KIF16B: variants seen among roughly 807,000 people sequenced by gnomAD.
The protein encoded by KIF16B is kinesin family member 16B, also known as kinesin-like protein KIF16B.
KIF16B carries 98 observed loss-of-function variants against 156.3 expected under a neutral mutation model. The observed-to-expected ratio is 0.63, with a 90% CI of 0.53 to 0.74. KIF16B has a LOEUF of 0.74. Ranked by LOEUF, KIF16B falls within the 30% of genes least tolerant of loss-of-function variation. The pLI is 0.00. For missense variants in KIF16B, 1,421 were observed against 1,606.5 expected, an observed-to-expected ratio of 0.88 and a Z score of 1.97; for synonymous variants, 564 against 583.7, an observed-to-expected ratio of 0.97 and a Z score of 0.49.
At chr20:16,529,709 C>CA (rs1491534395) in intron 1 of KIF16B, among the ~76,000 whole-genome samples, 1 of 152,182 alleles carries the variant, frequency 6.6e-6, no homozygotes, top group Non-Finnish European at 1.5e-5. Context: ...CCCTGCACTT[C>CA]AGGAGGCAGA....
chr20:16,331,828 TGGA>T (rs150995887), intron 24 of KIF16B, among the ~76,000 whole-genome samples: 2,369 of 152,236 alleles, frequency 0.016, 60 homozygotes, highest in African/African-American at 0.052. Flanking sequence ...ATAGTCCACT[TGGA>T]GGAGCAGATT....
Position 16,560,989 on chromosome 20 carries a change from T to A in KIF16B, c.47+12240A>T, listed in dbSNP as rs556574675. On this transcript the variant is annotated intron_variant, in intron 1 of 25. Coordinates refer to ENST00000354981, the MANE Select transcript of KIF16B (RefSeq NM_024704.5). ...TTAGTGAGTAACAATCATCTTTTTT[T>A]AAAAAAATATAATAGAGAGGCCGGG... 4.2e-3 allele frequency among the ~76,000 whole-genome samples: 646 copies of A among 152,006 alleles called. 8 individuals are homozygous for A. The highest frequency in any genetic ancestry group is 0.015 in the African/African-American group (611 of 41,456).
chr20:16,404,985 G>C (rs2065746242), intron 16 of KIF16B, 84 bp from the exon 17 acceptor site: 1 of 912,888 alleles, frequency 1.1e-6, no homozygotes, highest in African/African-American at 1.6e-5. Flanking sequence ...CAACATGTGA[G>C]AGACAATGAG....
intron 12 of KIF16B, among the ~76,000 whole-genome samples, chr20:16,458,747 TACACACACACATATAA>T (rs979053692): frequency 1.3e-5 from 2 of 151,498 alleles, no homozygotes; most frequent in Non-Finnish European, 2.9e-5. Context: ...TACAGGTATA[TACACACACACATATAA>T]ACACACACAC....
rs148049748 is a variant in KIF16B at position 16,379,848 on chromosome 20, G to A, written c.2154C>T (p.Asn718=). Residue 718 remains asparagine (N), a synonymous_variant, in exon 19 of 26, where the codon AAC becomes AAT. Transcript: ENST00000354981. ...ELQRLKELNN[N]EKAEKFQIFQ... is the part of the protein sequence containing the mutation. Reference sequence around the variant, plus strand: ...ATATCTGAAACTTCTCAGCCTTCTCGTTGTTGTTGAGTTCTTTGAGTCGTT... The same window carrying A: ...ATATCTGAAACTTCTCAGCCTTCTCATTGTTGTTGAGTTCTTTGAGTCGTT... The A allele has an allele frequency of 1.1e-4, 173 of 1,614,110 alleles. 1 individual carries two copies. Among genetic ancestry groups the A allele is most frequent in the Admixed American group, 1.0e-3 (60 of 60,014 alleles).
chr20:16,506,165 C>T lies in KIF16B; in HGVS notation c.725G>A (p.Cys242Tyr). ...TQAKFDSEMPCETVSKIHLVD... is the reference protein window; with the variant it reads ...TQAKFDSEMPYETVSKIHLVD... ...CAAGTGGATCTTACTGACGGTTTCA[C>T]ATGGCATTTCAGAATCAAATTTAGC... Residue 242 changes from cysteine (C) to tyrosine (Y), a missense_variant, in exon 8 of 26, where the codon TGT becomes TAT. Physicochemically the swap from Cys to Tyr is radical, Grantham distance 194. Coordinates refer to ENST00000354981, the MANE Select transcript of KIF16B (RefSeq NM_024704.5). 1 of 1,614,128 alleles carries T rather than the reference C, an allele frequency of 6.2e-7. No individual in the cohort carries two copies. The highest frequency in any genetic ancestry group is 2.2e-5 in the East Asian group (1 of 44,880).
chr20:16,329,286 G>A (rs73234378), intron 24 of KIF16B, among the ~76,000 whole-genome samples: 6,026 of 152,122 alleles, frequency 0.04, 379 homozygotes, highest in African/African-American at 0.14. Flanking sequence ...ATTGTGACCT[G>A]GATCTATAAT....
intron 3 of KIF16B, among the ~76,000 whole-genome samples, chr20:16,519,581 T>TA (rs533924817): frequency 2.2e-3 from 336 of 151,816 alleles, no homozygotes; most frequent in Non-Finnish European, 3.5e-3. Context: ...GGGATCTTGC[T>TA]AAAAAAAAAT....
intron 12 of KIF16B, among the ~76,000 whole-genome samples, chr20:16,487,062 G>C (rs1056163555): frequency 1.3e-5 from 2 of 152,036 alleles, no homozygotes; most frequent in Admixed American, 6.6e-5. Flanking sequence ...GATCATCTTG[G>C]CTAACACGGT....
At chr20:16,331,340 C>A (rs1029716805) in intron 24 of KIF16B, among the ~76,000 whole-genome samples, 3 of 152,134 alleles carry the variant, frequency 2.0e-5, no homozygotes, top group Non-Finnish European at 4.4e-5. Flanking sequence ...CAGGAGACCA[C>A]GGCTAAACTC....
At position 16,406,420 on chromosome 20, in the gene KIF16B, C is replaced by T. The variant is rs779028870; in HGVS notation, c.1649G>A (p.Arg550His). 11 of 1,613,336 alleles carry T rather than the reference C, an allele frequency of 6.8e-6. No homozygotes were observed. The East Asian group carries it at 8.9e-5, about 13-fold the overall frequency. ...VILLGRTNMF[R>H]FNHPKEAAKL... ...GGCGGCTTCCTTTGGATGGTTAAAG[C>T]GAAACATATTGGTTCTTCCCAAGAG... The change falls in exon 16 of 26, where the codon CGC (arginine) becomes CAC (histidine). Residue 550 changes from arginine (R) to histidine (H), a missense_variant. Coordinates refer to ENST00000354981, the MANE Select transcript of KIF16B (RefSeq NM_024704.5).
chr20:16,561,865 G>T (rs975166228), intron 1 of KIF16B, among the ~76,000 whole-genome samples: 11 of 152,144 alleles, frequency 7.2e-5, no homozygotes, highest in Non-Finnish European at 1.6e-4. Flanking sequence ...AAAAATTAAG[G>T]TTATGAAAAA....
chr20:16,281,795 AG>A (rs1031425051), intron 25 of KIF16B, among the ~76,000 whole-genome samples: 2 of 151,990 alleles, frequency 1.3e-5, no homozygotes, highest in African/African-American at 4.8e-5. Context: ...CTCCCCTCAC[AG>A]GTGCATGCTG....
intron 10 of KIF16B, among the ~76,000 whole-genome samples, chr20:16,499,606 A>G (rs1296936181): frequency 6.6e-6 from 1 of 152,212 alleles, no homozygotes. Context: ...TGCATTGTTT[A>G]TATGTGGTTG....
At chr20:16,278,748 A>G (rs2063101238) in intron 25 of KIF16B, among the ~76,000 whole-genome samples, 2 of 152,040 alleles carry the variant, frequency 1.3e-5, no homozygotes, top group African/African-American at 4.8e-5. Context: ...AGAAGGGGGG[A>G]TGTGGTGATA....
chr20:16,573,282 T>G lies in KIF16B; in HGVS notation c.-7A>C, dbSNP rs775967030. On this transcript the variant is annotated 5_prime_UTR_variant, in exon 1 of 26. An upstream start codon of the reference 5' UTR is lost. Coordinates refer to ENST00000354981, the MANE Select transcript of KIF16B (RefSeq NM_024704.5). Reference sequence around the variant, plus strand: ...CCACCTTGACCGATGCCATCGCTCATCCCGAACCAGCCCGCGCGGGGTCCC... The same window carrying G: ...CCACCTTGACCGATGCCATCGCTCAGCCCGAACCAGCCCGCGCGGGGTCCC... 1 of 1,610,002 alleles carries G rather than the reference T, an allele frequency of 6.2e-7. No individual in the cohort carries two copies. The highest frequency in any genetic ancestry group is 2.2e-5 in the East Asian group (1 of 44,752).
chr20:16,568,198 G>C (rs1234148767), intron 1 of KIF16B, among the ~76,000 whole-genome samples: 1 of 151,544 alleles, frequency 6.6e-6, no homozygotes, highest in African/African-American at 2.4e-5. Flanking sequence ...TGATAGACTT[G>C]ATACTAGATT....
intron 15 of KIF16B, among the ~76,000 whole-genome samples, chr20:16,413,236 C>G (rs769895449): frequency 3.3e-5 from 5 of 152,026 alleles, no homozygotes; most frequent in Non-Finnish European, 7.4e-5. Flanking sequence ...TACCCAAAGA[C>G]AGACAAATTC....
intron 1 of KIF16B, among the ~76,000 whole-genome samples, chr20:16,549,036 C>T (rs6044107): frequency 0.092 from 5,742 of 62,152 alleles, 170 homozygotes; most frequent in African/African-American, 0.18. Flanking sequence ...GTTTTTTTTT[C>T]GTTAGTTTTT....
Sources: allele counts gnomAD v4.1 joint callset (sites outside exome capture counted in the v4.1 genomes callset), GRCh38; gene constraint gnomAD v4.1.1; transcripts MANE v1.5; gene names NCBI Gene and HGNC (gene_info 2026-07-23, HGNC 2026-07-21).